Variants in HPS6 observed in about 807,000 individuals in gnomAD.
HPS6 encodes HPS6 biogenesis of lysosomal organelles complex 2 subunit 3, also known as BLOC-2 complex member HPS6.
HPS6 carries 46 observed loss-of-function variants against 53.6 expected under a neutral mutation model. That is an observed-to-expected ratio of 0.86 (90% CI 0.68 to 1.10). The LOEUF (loss-of-function observed/expected upper bound fraction) is 1.10. Ranked by LOEUF, HPS6 falls within the 50% of genes least tolerant of loss-of-function variation. The pLI is 0.00. For synonymous variants in HPS6, 535 were observed against 470.8 expected, an observed-to-expected ratio of 1.14 and a Z score of -1.77; for missense variants, 1,034 against 991.3, an observed-to-expected ratio of 1.04 and a Z score of -0.58.
In HPS6 at chr10:102,067,395, G is replaced by C. The variant is rs766759764; in HGVS notation, c.1921G>C (p.Gly641Arg). Residue 641 changes from glycine to arginine, a missense_variant, in exon 1 of 1, where the codon GGG (glycine) becomes CGG (arginine). Physicochemically the swap from Gly to Arg is moderately radical, Grantham distance 125. Transcript: ENST00000299238. ...GCCTAAAGCTGTGCTCCAAGCTGTC[G>C]GGCAGCTGGTGCAAAAGGAACAATG... ...GRPKAVLQAV[G>R]QLVQKEQWDR... 6.2e-6 allele frequency: 10 copies of C among 1,612,702 alleles called. No individual in the cohort carries two copies. Among genetic ancestry groups the C allele is most frequent in the South Asian group, 1.1e-5 (1 of 91,092 alleles).
At position 102,065,453 on chromosome 10, in the gene HPS6, C is replaced by G. The variant is rs1431412526; in HGVS notation, c.-22C>G. ...CGGCTGGACCTGGGCAAAGCCTGGG[C>G]GCGCTCCCGCGCAGCGGCGCCATGA... On this transcript the variant is annotated 5_prime_UTR_variant, in exon 1 of 1. Transcript: ENST00000299238. The G allele has an allele frequency of 6.5e-7, 1 of 1,544,702 alleles. No individual in the cohort carries two copies. The highest frequency in any genetic ancestry group is 1.2e-5 in the South Asian group (1 of 84,054).
Position 102,065,591 on chromosome 10 carries a change from C to T in HPS6, c.117C>T (p.Asp39=), listed in dbSNP as rs770676430. 7 of 1,542,370 alleles carry T rather than the reference C, an allele frequency of 4.5e-6. No individual in the cohort carries two copies. The Admixed American group carries it at 5.7e-5, about 13-fold the overall frequency. The change falls in exon 1 of 1, where the codon GAC becomes GAT. Residue 39 remains aspartate (D), a synonymous_variant. Transcript: ENST00000299238. ...CGGTCCGAGTCCGTGGCAGTCCGGACGGCCGCCACTTGCTGCTCCTGCGAC... is the reference window on the plus strand; with the variant it reads ...CGGTCCGAGTCCGTGGCAGTCCGGATGGCCGCCACTTGCTGCTCCTGCGAC... ...DSAVRVRGSP[D]GRHLLLLRPP...
At position 102,066,695 on chromosome 10, in the gene HPS6, C is replaced by A; in HGVS notation, c.1221C>A (p.Ala407=). Residue 407 remains alanine, a synonymous_variant, in exon 1 of 1, where the codon GCC becomes GCA. Transcript: ENST00000299238. ...CCAAGGATCTGGTGTTTGAGGAGGC[C>A]TGCGGGTACTACCAGCGGCGGAGCC... ...PSAKDLVFEE[A]CGYYQRRSLR... 1 of 1,613,962 alleles carries A rather than the reference C, an allele frequency of 6.2e-7. No homozygotes were observed. Among genetic ancestry groups the A allele is most frequent in the African/African-American group, 1.3e-5 (1 of 75,062 alleles).
At position 102,066,222 on chromosome 10, in the gene HPS6, G is replaced by C; in HGVS notation, c.748G>C (p.Asp250His). 2 of 1,613,930 alleles carry C rather than the reference G, an allele frequency of 1.2e-6. No homozygotes were observed. Among genetic ancestry groups the C allele is most frequent in the Non-Finnish European group, 1.7e-6 (2 of 1,180,030 alleles). Residue 250 changes from aspartate (D) to histidine (H), a missense_variant, in exon 1 of 1, where the codon GAC becomes CAC. Asp to His is a moderately conservative substitution (Grantham distance 81). Transcript: ENST00000299238. ...GAATCCTGGACGAGGGGACACATGGGACTTCCGGACCCTGCTCCGAGGCCT... is the reference window on the plus strand; with the variant it reads ...GAATCCTGGACGAGGGGACACATGGCACTTCCGGACCCTGCTCCGAGGCCT... ...SLNPGRGDTW[D>H]FRTLLRGLPG...
Position 102,067,295 on chromosome 10 carries a change from A to G in HPS6, c.1821A>G (p.Arg607=). The G allele has an allele frequency of 6.2e-7, 1 of 1,613,010 alleles. No individual in the cohort carries two copies. Among genetic ancestry groups the G allele is most frequent in the Admixed American group, 1.7e-5 (1 of 60,018 alleles). The change falls in exon 1 of 1, where the codon CGA becomes CGG. Residue 607 remains arginine, a synonymous_variant. Coordinates refer to ENST00000299238, the MANE Select transcript of HPS6 (RefSeq NM_024747.6). ...GCCCAGGACTGCCCCTGTATCGCCG[A>G]GCTCTGGCAGTGCTAGGTGAGGAGG... ...AGGPGLPLYR[R]ALAVLGEEGT...
rs1318139921 is a variant in HPS6 at position 102,065,457 on chromosome 10, CTCCCGCGCAG to C, written c.-17_-8del. 3 of 1,548,062 alleles carry C rather than the reference CTCCCGCGCAG, an allele frequency of 1.9e-6. No individual in the cohort carries two copies. The Admixed American group carries it at 5.5e-5, about 28-fold the overall frequency. On this transcript the variant is annotated 5_prime_UTR_variant, in exon 1 of 1. Transcript: ENST00000299238. ...TGGACCTGGGCAAAGCCTGGGCGCG[CTCCCGCGCAG>C]CGGCGCCATGAAGCGCTCGGGGACT...
rs1451839760 is a variant in HPS6 at position 102,066,826 on chromosome 10, T to C, written c.1352T>C (p.Leu451Pro). 6 of 1,614,226 alleles carry C rather than the reference T, an allele frequency of 3.7e-6. No homozygotes were observed. In the South Asian group the frequency reaches 6.6e-5, roughly 18 times the overall value. The change falls in exon 1 of 1, where the codon CTG (leucine) becomes CCG (proline). Residue 451 changes from leucine (L) to proline (P), a missense_variant. Transcript: ENST00000299238. ...ILQGHLPPSA[L>P]LTMLRTELRD... The stretch of plus-strand genomic sequence containing the variant: ...CAGGGCCACCTGCCCCCATCTGCAC[T>C]GCTGACCATGTTGAGGACCGAGCTT...
In HPS6 at chr10:102,067,605, T is replaced by TA; in HGVS notation, c.2132dup (p.Tyr711Ter). 3 of 1,613,886 alleles carry TA rather than the reference T, an allele frequency of 1.9e-6. No individual in the cohort carries two copies. Among genetic ancestry groups the TA allele is most frequent in the Non-Finnish European group, 1.7e-6 (2 of 1,180,030 alleles). The change falls in exon 1 of 1, where the codon TAC becomes TAAC. Residue 711 changes from tyrosine to a stop codon, truncating the protein, a stop_gained and frameshift_variant. Transcript: ENST00000299238. LOFTEE classifies it high-confidence loss of function. ...PAELLLLLRT[Y>*]LPDEVGPPTP... ...TGAGCTCCTGCTTCTACTGAGGACA[T>TA]ACCTCCCAGATGAGGTGGGGCCCCC...
At position 102,066,725 on chromosome 10, in the gene HPS6, G is replaced by C; in HGVS notation, c.1251G>C (p.Arg417=). The part of the protein sequence containing the change: ...ACGYYQRRSL[R]GAQLTPEELR... ...GGTACTACCAGCGGCGGAGCCTGCG[G>C]GGTGCCCAGCTCACTCCAGAAGAAC... The change falls in exon 1 of 1, where the codon CGG becomes CGC. Residue 417 remains arginine, a synonymous_variant. Coordinates refer to ENST00000299238, the MANE Select transcript of HPS6 (RefSeq NM_024747.6). 1 of 1,613,968 alleles carries C rather than the reference G, an allele frequency of 6.2e-7. No homozygotes were observed. The highest frequency in any genetic ancestry group is 8.5e-7 in the Non-Finnish European group (1 of 1,180,042).
chr10:102,066,668 A>G lies in HPS6; in HGVS notation c.1194A>G (p.Ser398=). 1 of 1,613,934 alleles carries G rather than the reference A, an allele frequency of 6.2e-7. No homozygotes were observed. Among genetic ancestry groups the G allele is most frequent in the Non-Finnish European group, 8.5e-7 (1 of 1,180,036 alleles). The change falls in exon 1 of 1, where the codon TCA becomes TCG. Residue 398 remains serine (S), a synonymous_variant. Transcript: ENST00000299238. The stretch of plus-strand genomic sequence containing the variant: ...CCCCACAGGGTGTTGAGTTGCCTTC[A>G]GCCAAGGATCTGGTGTTTGAGGAGG... ...WEAPQGVELP[S]AKDLVFEEAC...
Position 102,067,874 on chromosome 10 carries a change from C to T in HPS6, c.*72C>T, listed in dbSNP as rs887915752. 2.6e-6 allele frequency: 4 copies of T among 1,514,456 alleles called. No individual in the cohort carries two copies. In the African/African-American group the frequency reaches 4.1e-5, roughly 16 times the overall value. 93.8% of individuals were successfully genotyped at this position (1,514,456 alleles called of 1,614,324 possible). ...GACTGGAGGCTTGCTTGGACAGTTCCTCTGTGTCACTGACACAGGAAATCA... is the reference window on the plus strand; with the variant it reads ...GACTGGAGGCTTGCTTGGACAGTTCTTCTGTGTCACTGACACAGGAAATCA... On this transcript the variant is annotated 3_prime_UTR_variant, in exon 1 of 1. Transcript: ENST00000299238.
chr10:102,065,955 C>T lies in HPS6; in HGVS notation c.481C>T (p.His161Tyr), dbSNP rs772438807. The change falls in exon 1 of 1, where the codon CAC becomes TAC. Residue 161 changes from histidine to tyrosine, a missense_variant. Transcript: ENST00000299238. ...AGGGTCGCCAGCAGCCGCTTTCAGCCACTGTGTGTGCGTCCGGACTCTGGA... is the reference window on the plus strand; with the variant it reads ...AGGGTCGCCAGCAGCCGCTTTCAGCTACTGTGTGTGCGTCCGGACTCTGGA... Reference protein sequence around the residue: ...PSGSPAAAFSHCVCVRTLEPS... With the variant: ...PSGSPAAAFSYCVCVRTLEPS... 3.8e-6 allele frequency: 6 copies of T among 1,593,146 alleles called. No individual in the cohort carries two copies. In the Admixed American group the frequency reaches 8.5e-5, roughly 23 times the overall value.
In HPS6 at chr10:102,067,617, G is replaced by C. The variant is rs2067981803; in HGVS notation, c.2143G>C (p.Glu715Gln). The C allele has an allele frequency of 6.2e-7, 1 of 1,613,906 alleles. No individual in the cohort carries two copies. Among genetic ancestry groups the C allele is most frequent in the African/African-American group, 1.3e-5 (1 of 75,058 alleles). ...LLLLRTYLPD[E>Q]VGPPTPFPEP... is the part of the protein sequence containing the mutation. ...TCTACTGAGGACATACCTCCCAGAT[G>C]AGGTGGGGCCCCCAACCCCATTCCC... Residue 715 changes from glutamate to glutamine, a missense_variant, in exon 1 of 1, where the codon GAG becomes CAG. Transcript: ENST00000299238.
chr10:102,065,349 C>A lies in HPS6; in HGVS notation c.-126C>A. 2.0e-6 allele frequency: 2 copies of A among 978,116 alleles called. No individual in the cohort carries two copies. Among genetic ancestry groups the A allele is most frequent in the Non-Finnish European group, 2.8e-6 (2 of 704,902 alleles). The allele number at this position is 978,116 out of a possible 1,614,324, so 60.6% of individuals were successfully genotyped here. A position where few individuals can be genotyped will look rare whatever the true frequency, so the allele number is the denominator to read the frequency against. On this transcript the variant is annotated 5_prime_UTR_variant, in exon 1 of 1. Coordinates refer to ENST00000299238, the MANE Select transcript of HPS6 (RefSeq NM_024747.6). ...GGGCGGAGTCGACGCTCGGCCCGGCCTCTGCTCACCTCATCCACGGGAGAC... is the reference window on the plus strand; with the variant it reads ...GGGCGGAGTCGACGCTCGGCCCGGCATCTGCTCACCTCATCCACGGGAGAC...
Position 102,065,427 on chromosome 10 carries a change from G to C in HPS6, c.-48G>C. Reference sequence around the variant, plus strand: ...CGAGAATCGGGCCTCGCCCTGCTGGGCGGCTGGACCTGGGCAAAGCCTGGG... The same window carrying C: ...CGAGAATCGGGCCTCGCCCTGCTGGCCGGCTGGACCTGGGCAAAGCCTGGG... On this transcript the variant is annotated 5_prime_UTR_variant, in exon 1 of 1. Transcript: ENST00000299238. 1 of 1,514,188 alleles carries C rather than the reference G, an allele frequency of 6.6e-7. No individual in the cohort carries two copies. The highest frequency in any genetic ancestry group is 1.2e-5 in the South Asian group (1 of 81,588). The allele number at this position is 1,514,188 out of a possible 1,614,324, so 93.8% of individuals were successfully genotyped here.
At position 102,067,094 on chromosome 10, in the gene HPS6, C is replaced by T; in HGVS notation, c.1620C>T (p.Pro540=). The T allele has an allele frequency of 1.9e-6, 3 of 1,614,154 alleles. No homozygotes were observed. Among genetic ancestry groups the T allele is most frequent in the Non-Finnish European group, 1.7e-6 (2 of 1,180,022 alleles). The part of the protein sequence containing the change: ...DGNGKLRSQA[P]PDVWKKVLGG... ...ATGGCAAGCTGAGGTCCCAAGCACC[C>T]CCTGATGTGTGGAAGAAAGTGTTAG... Residue 540 remains proline (P), a synonymous_variant, in exon 1 of 1, where the codon CCC becomes CCT. Transcript: ENST00000299238.
At position 102,067,745 on chromosome 10, in the gene HPS6, T is replaced by A. The variant is rs1564900218; in HGVS notation, c.2271T>A (p.Tyr757Ter). 6.2e-7 allele frequency: 1 copy of A among 1,613,180 alleles called. No individual in the cohort carries two copies. The highest frequency in any genetic ancestry group is 8.5e-7 in the Non-Finnish European group (1 of 1,179,994). ...GWLSGPVLSP[Y>*]EDILWDPSTP... Reference sequence around the variant, plus strand: ...TGTCGGGCCCAGTTCTAAGCCCATATGAGGACATCCTATGGGACCCCAGCA... The same window carrying A: ...TGTCGGGCCCAGTTCTAAGCCCATAAGAGGACATCCTATGGGACCCCAGCA... The change falls in exon 1 of 1, where the codon TAT becomes TAA. Residue 757 changes from tyrosine to a stop codon, truncating the protein, a stop_gained. Transcript: ENST00000299238. LOFTEE classifies it high-confidence loss of function.
Position 102,066,500 on chromosome 10 carries a change from G to T in HPS6, c.1026G>T (p.Leu342=). 1 of 1,614,232 alleles carries T rather than the reference G, an allele frequency of 6.2e-7. No homozygotes were observed. Among genetic ancestry groups the T allele is most frequent in the Middle Eastern group, 1.6e-4 (1 of 6,062 alleles). ...LELLDMGSGQ[L]LERKVLSTDR... ...TGCTGGACATGGGCAGTGGGCAGCT[G>T]CTGGAGAGGAAGGTCCTAAGTACAG... The change falls in exon 1 of 1, where the codon CTG becomes CTT. Residue 342 remains leucine, a synonymous_variant. Coordinates refer to ENST00000299238, the MANE Select transcript of HPS6 (RefSeq NM_024747.6).
rs774206083 is a variant in HPS6, at chr10:102,066,388, A to C, written c.914A>C (p.Gln305Pro). 1.2e-5 allele frequency: 19 copies of C among 1,613,880 alleles called. No individual in the cohort carries two copies. The change falls in exon 1 of 1, where the codon CAG becomes CCG. Residue 305 changes from glutamine to proline, a missense_variant. Physicochemically the swap from Gln to Pro is moderately conservative, Grantham distance 76. Coordinates refer to ENST00000299238, the MANE Select transcript of HPS6 (RefSeq NM_024747.6). Reference sequence around the variant, plus strand: ...GGTACGCGGGCTGTGGGCACCCTGCAGGAGGCACCTGTAGGCCCGTGGGGG... The same window carrying C: ...GGTACGCGGGCTGTGGGCACCCTGCCGGAGGCACCTGTAGGCCCGTGGGGG... ...HGGTRAVGTL[Q>P]EAPVGPWGSA...
Sources: allele counts gnomAD v4.1 joint callset, GRCh38; gene constraint gnomAD v4.1.1; transcripts MANE v1.5; gene names NCBI Gene and HGNC (gene_info 2026-07-23, HGNC 2026-07-21).